Variants in PPP2CA observed in about 807,000 individuals in gnomAD.
PPP2CA encodes the protein serine/threonine-protein phosphatase 2A catalytic subunit alpha isoform.
Under a neutral mutation model 38.8 loss-of-function variants are expected in PPP2CA, and 5 were observed. The ratio of observed to expected loss-of-function variants is 0.13; its 90% CI spans 0.07 to 0.27. PPP2CA has a LOEUF of 0.27. PPP2CA is among the 10% of genes least tolerant of loss of function. The pLI is 1.00. For synonymous variants in PPP2CA, 152 were observed against 134.0 expected, an observed-to-expected ratio of 1.13 and a Z score of -0.93; for missense variants, 88 against 389.7, an observed-to-expected ratio of 0.23 and a Z score of 6.52.
chr5:134,205,348 A>G (rs915701203), intron 2 of PPP2CA, among the ~76,000 whole-genome samples: 1 of 151,702 alleles, frequency 6.6e-6, no homozygotes, highest in African/African-American at 2.4e-5. Context: ...TTACTGAACT[A>G]AAATATCTAT....
intron 1 of PPP2CA, among the ~76,000 whole-genome samples, chr5:134,216,868 G>GTCT (rs1166301569): frequency 6.6e-6 from 1 of 152,138 alleles, no homozygotes. Flanking sequence ...GGCCTAACCT[G>GTCT]TCTTCTCTGT....
chr5:134,218,870 C>T (rs1431562412), intron 1 of PPP2CA, among the ~76,000 whole-genome samples: 2 of 152,028 alleles, frequency 1.3e-5, no homozygotes, highest in Non-Finnish European at 2.9e-5. Flanking sequence ...GGGGTTTCAC[C>T]GTGCTAGCCA....
chr5:134,219,134 C>T (rs1288850239), intron 1 of PPP2CA, among the ~76,000 whole-genome samples: 1 of 152,156 alleles, frequency 6.6e-6, no homozygotes. Flanking sequence ...TGATCACCAC[C>T]GGCACAAGCA....
chr5:134,215,057 A>G (rs1473505692), intron 1 of PPP2CA, among the ~76,000 whole-genome samples: 1 of 151,322 alleles, frequency 6.6e-6, no homozygotes, highest in Non-Finnish European at 1.5e-5. Context: ...AAATCAATCA[A>G]TTGGGACCTA....
At chr5:134,201,746 A>T in intron 3 of PPP2CA, 102 bp downstream of exon 3, 6 of 1,253,072 alleles carry the variant, frequency 4.8e-6, no homozygotes, top group Non-Finnish European at 6.6e-6. Context: ...ATTAAAAAAT[A>T]TCCCCAAAGG....
chr5:134,225,559 G>A (rs1762554082), intron 1 of PPP2CA: 1 of 494,738 alleles, frequency 2.0e-6, no homozygotes, highest in Non-Finnish European at 3.6e-6. Context: ...CATTTTAGGC[G>A]GCGGCGGCAA....
chr5:134,215,726 A>C lies in PPP2CA; in HGVS notation c.103-9595T>G, dbSNP rs561357604. ...TCTGCTGGGATTATAGGTGTAAGTC[A>C]CCAGGCCTAGCCTCTAATTCTTTAA... On this transcript the variant is annotated intron_variant, in intron 1 of 6. Coordinates refer to ENST00000481195, the MANE Select transcript of PPP2CA (RefSeq NM_002715.4). Among the ~76,000 whole-genome samples the C allele has an allele frequency of 2.0e-5, 3 of 152,322 alleles. No individual in the cohort carries two copies. In the South Asian group the frequency reaches 6.2e-4, roughly 32 times the overall value.
At position 134,197,730 on chromosome 5, in the gene PPP2CA, G is replaced by A. The variant is rs759330204; in HGVS notation, c.*42C>T. The A allele has an allele frequency of 1.1e-4, 162 of 1,467,486 alleles. No individual in the cohort carries two copies. The highest frequency in any genetic ancestry group is 1.5e-4 in the Non-Finnish European group (157 of 1,047,968). The allele number at this position is 1,467,486 out of a possible 1,614,324, so 90.9% of individuals were successfully genotyped here. ...TTGCTCTTCCCATTTCCATTAGGTC[G>A]ATATATGGTTCATGGCAATACTGTA... On this transcript the variant is annotated 3_prime_UTR_variant, in exon 7 of 7. Coordinates refer to ENST00000481195, the MANE Select transcript of PPP2CA (RefSeq NM_002715.4).
At chr5:134,199,250 A>C in intron 5 of PPP2CA, 46 bp from the exon 6 acceptor site, 2 of 1,385,554 alleles carry the variant, frequency 1.4e-6, no homozygotes, top group Middle Eastern at 1.8e-4. Context: ...CCCTCAATTC[A>C]ACTAAATGTT....
chr5:134,215,418 T>A (rs1028513716), intron 1 of PPP2CA, among the ~76,000 whole-genome samples: 10 of 150,842 alleles, frequency 6.6e-5, no homozygotes, highest in Non-Finnish European at 1.2e-4. Context: ...AAAAAAAAAA[T>A]ACAAAAATAT....
intron 1 of PPP2CA, among the ~76,000 whole-genome samples, chr5:134,223,925 C>A (rs1479540871): frequency 6.6e-6 from 1 of 152,200 alleles, no homozygotes; most frequent in Admixed American, 6.5e-5. Flanking sequence ...ACTGTATAAT[C>A]TCAGAACACA....
intron 1 of PPP2CA, chr5:134,225,480 C>T: frequency 5.2e-6 from 2 of 384,306 alleles, no homozygotes; most frequent in South Asian, 6.3e-5. Context: ...AGGGTCTCCG[C>T]TCCCCCTGCC....
At chr5:134,221,576 T>C (rs1296929417) in intron 1 of PPP2CA, among the ~76,000 whole-genome samples, 2 of 152,184 alleles carry the variant, frequency 1.3e-5, no homozygotes, top group Non-Finnish European at 2.9e-5. Flanking sequence ...GGGCAAATGT[T>C]GTCAGCTACA....
chr5:134,200,250 A>C (rs1298529724), intron 5 of PPP2CA, 85 bp downstream of exon 5: 1 of 1,409,954 alleles, frequency 7.1e-7, no homozygotes, highest in African/African-American at 1.5e-5. Flanking sequence ...ATTTCTCACA[A>C]ATGTCATTAA....
In PPP2CA at chr5:134,225,936, A is replaced by C; in HGVS notation, c.-75T>G. ...CGCCCGCACACGGGCCTACACGCAC[A>C]CGCCGCCGCCGGTTCCTCGTGTACT... On this transcript the variant is annotated 5_prime_UTR_variant, in exon 1 of 7. Transcript: ENST00000481195. 1 of 1,366,772 alleles carries C rather than the reference A, an allele frequency of 7.3e-7. No homozygotes were observed. The highest frequency in any genetic ancestry group is 1.0e-6 in the Non-Finnish European group (1 of 986,868). The allele number at this position is 1,366,772 out of a possible 1,614,324, so 84.7% of individuals were successfully genotyped here.
chr5:134,225,595 G>GC, intron 1 of PPP2CA, 165 bp downstream of exon 1: 1 of 536,570 alleles, frequency 1.9e-6, no homozygotes, highest in Non-Finnish European at 3.2e-6. Flanking sequence ...GAGGCAGGGG[G>GC]CGCCGGGTCG....
intron 1 of PPP2CA, chr5:134,224,156 A>C (rs1202893836): frequency 2.8e-6 from 1 of 355,322 alleles, no homozygotes; most frequent in Non-Finnish European, 5.5e-6. Flanking sequence ...CTGAATTCCA[A>C]AAATCGGTAA....
intron 1 of PPP2CA, among the ~76,000 whole-genome samples, chr5:134,217,488 TAAGTA>T (rs1480222251): frequency 6.6e-6 from 1 of 152,242 alleles, no homozygotes; most frequent in East Asian, 1.9e-4. Context: ...AAATTCTTAA[TAAGTA>T]AAATTACTAA....
intron 6 of PPP2CA, among the ~76,000 whole-genome samples, chr5:134,198,236 C>G (rs1761895815): frequency 6.6e-6 from 1 of 151,020 alleles, no homozygotes; most frequent in Non-Finnish European, 1.5e-5. Flanking sequence ...TAAAAAAATA[C>G]AAAAAAATTA....
Sources: allele counts gnomAD v4.1 joint callset (sites outside exome capture counted in the v4.1 genomes callset), GRCh38; gene constraint gnomAD v4.1.1; transcripts MANE v1.5; gene names NCBI Gene and HGNC (gene_info 2026-07-23, HGNC 2026-07-21).